SHOC1: variants seen among roughly 807,000 people sequenced by gnomAD.
SHOC1 encodes shortage in chiasmata 1.
In SHOC1, 136 loss-of-function variants were observed where a neutral mutation model predicts 179.2. The observed-to-expected ratio is 0.76, with a 90% CI of 0.66 to 0.87. The LOEUF is 0.87. SHOC1 is among the 40% of genes least tolerant of loss of function. The pLI, the probability that SHOC1 is intolerant of heterozygous loss-of-function variation, is 0.00. For missense variants in SHOC1, 1,538 were observed against 1,700.8 expected (o/e 0.90, Z 1.68); for synonymous variants, 489 against 586.6 (o/e 0.83, Z 2.41).
chr9:111,691,621 AG>A lies in SHOC1; in HGVS notation c.4355del (p.Ala1452ValfsTer5), dbSNP rs1255925736. 1 of 1,613,910 alleles carries A rather than the reference AG, an allele frequency of 6.2e-7. No homozygotes were observed. The highest frequency in any genetic ancestry group is 8.5e-7 in the Non-Finnish European group (1 of 1,179,928). ...GCCTTTTCTGTCCTAAACTTTTTCC[AG>A]CTCTTTGGTAGAAATAAAGGCTGTT... ...EFNSLYFYQR[A>X]GKSLGQKRHH... On this transcript the variant is annotated frameshift_variant, in exon 27 of 28. Coordinates refer to ENST00000682961, the MANE Select transcript of SHOC1 (RefSeq NM_001378211.1). LOFTEE classifies it high-confidence loss of function.
At chr9:111,716,515 T>C (rs1832799108) in intron 16 of SHOC1, among the ~76,000 whole-genome samples, 1 of 150,428 alleles carries the variant, frequency 6.6e-6, no homozygotes, top group Non-Finnish European at 1.5e-5. Context: ...CTCAGCCTCC[T>C]GAGTAGCTGG....
chr9:111,688,158 T>A (rs1831266354), intron 27 of SHOC1, among the ~76,000 whole-genome samples: 1 of 152,162 alleles, frequency 6.6e-6, no homozygotes, highest in Non-Finnish European at 1.5e-5. Context: ...CATCTGCAAA[T>A]TTTTGTGGTA....
intron 11 of SHOC1, among the ~76,000 whole-genome samples, chr9:111,739,013 C>A (rs1450169486): frequency 1.3e-5 from 2 of 152,018 alleles, no homozygotes; most frequent in African/African-American, 4.8e-5. Flanking sequence ...GAAATCATAA[C>A]ATATGGAGGA....
At chr9:111,784,800 GTCT>G (rs1836203034) in intron 3 of SHOC1, among the ~76,000 whole-genome samples, 1 of 152,138 alleles carries the variant, frequency 6.6e-6, no homozygotes, top group African/African-American at 2.4e-5. Context: ...ATGGGTGGCT[GTCT>G]TCTTGCTGGC....
chr9:111,715,412 T>C (rs1832738122), intron 16 of SHOC1, among the ~76,000 whole-genome samples: 1 of 152,246 alleles, frequency 6.6e-6, no homozygotes, highest in Non-Finnish European at 1.5e-5. Context: ...TCTATTTTTA[T>C]ATTAAAATTG....
rs553119846 is a variant in SHOC1, at chr9:111,785,784, G to A, written c.169+128C>T. The stretch of plus-strand genomic sequence containing the variant: ...TAAAATACTAAGTTGTTAACTTCTT[G>A]GAATTCTGACATGAGTAGATGCAAT... On this transcript the variant is annotated intron_variant, in intron 3 of 27. Coordinates refer to ENST00000682961, the MANE Select transcript of SHOC1 (RefSeq NM_001378211.1). 13 of 693,162 alleles carry A rather than the reference G, an allele frequency of 1.9e-5. No homozygotes were observed. In the East Asian group the frequency reaches 2.8e-4, roughly 15 times the overall value. 42.9% of individuals were successfully genotyped at this position (693,162 alleles called of 1,614,324 possible).
chr9:111,790,892 A>G (rs1836421607), intron 2 of SHOC1, among the ~76,000 whole-genome samples: 1 of 152,236 alleles, frequency 6.6e-6, no homozygotes, highest in Non-Finnish European at 1.5e-5. Flanking sequence ...AATTTTCAAT[A>G]AATCTAAAAG....
chr9:111,752,682 A>G (rs1337676500), intron 8 of SHOC1, among the ~76,000 whole-genome samples: 1 of 152,248 alleles, frequency 6.6e-6, no homozygotes, highest in East Asian at 1.9e-4. Flanking sequence ...CATAGTAATC[A>G]CTATGCTAAA....
intron 7 of SHOC1, among the ~76,000 whole-genome samples, chr9:111,756,991 G>A (rs758791572): frequency 5.9e-5 from 9 of 152,114 alleles, no homozygotes; most frequent in Non-Finnish European, 1.2e-4. Context: ...GGGCCTATTG[G>A]TGAATTAACC....
At chr9:111,694,419 T>G in intron 24 of SHOC1, 57 bp from the exon 25 acceptor site, 1 of 1,288,130 alleles carries the variant, frequency 7.8e-7, no homozygotes, top group Non-Finnish European at 1.1e-6. Flanking sequence ...AAATATAATA[T>G]TTTTTAAACA....
At chr9:111,730,391 A>G (rs1721450337) in intron 12 of SHOC1, among the ~76,000 whole-genome samples, 2 of 152,180 alleles carry the variant, frequency 1.3e-5, no homozygotes, top group Non-Finnish European at 2.9e-5. Flanking sequence ...GCCTTATGAA[A>G]TGTATTTCTT....
At chr9:111,709,528 A>G (rs1832434686) in intron 18 of SHOC1, among the ~76,000 whole-genome samples, 5 of 152,324 alleles carry the variant, frequency 3.3e-5, no homozygotes, top group South Asian at 4.1e-4. Context: ...GAAACTGAAG[A>G]TAATTGCCGT....
Position 111,705,277 on chromosome 9 carries a change from G to T in SHOC1, c.2825C>A (p.Thr942Asn). The part of the protein sequence containing the change: ...VFFASEGLLN[T>N]PDILQLLESN... ...TTCTAGCAGCTGAAGTATGTCTGGA[G>T]TATTAAGAAGTCCTTCAGATGCAAA... The change falls in exon 21 of 28, where the codon ACT becomes AAT. Residue 942 changes from threonine to asparagine, a missense_variant. Physicochemically the swap from Thr to Asn is moderately conservative, Grantham distance 65. Transcript: ENST00000682961. 6.3e-7 allele frequency: 1 copy of T among 1,575,730 alleles called. No individual in the cohort carries two copies. The highest frequency in any genetic ancestry group is 1.2e-5 in the South Asian group (1 of 85,010).
chr9:111,693,095 C>T (rs373532003), intron 26 of SHOC1, among the ~76,000 whole-genome samples: 137 of 152,178 alleles, frequency 9.0e-4, no homozygotes, highest in African/African-American at 3.0e-3. Flanking sequence ...CACTTGAGGT[C>T]AGGAGTTTGA....
chr9:111,755,259 A>G (rs996341790), intron 8 of SHOC1, among the ~76,000 whole-genome samples: 11 of 152,282 alleles, frequency 7.2e-5, no homozygotes, highest in African/African-American at 2.6e-4. Flanking sequence ...CTGCATTTTG[A>G]GATCTACTAT....
chr9:111,717,614 C>T (rs1449813841), intron 16 of SHOC1, among the ~76,000 whole-genome samples: 1 of 149,048 alleles, frequency 6.7e-6, no homozygotes, highest in Non-Finnish European at 1.5e-5. Context: ...AAAAAAAAGT[C>T]TAAATAATCT....
intron 5 of SHOC1, 77 bp from the exon 6 acceptor site, chr9:111,758,925 A>C: frequency 1.1e-6 from 1 of 941,578 alleles, no homozygotes; most frequent in Non-Finnish European, 1.6e-6. Flanking sequence ...AGTTAATGTA[A>C]TCAGTCATTA....
chr9:111,756,146 C>G (rs184139167), intron 8 of SHOC1, among the ~76,000 whole-genome samples, 179 bp downstream of exon 8: 1 of 152,116 alleles, frequency 6.6e-6, no homozygotes, highest in East Asian at 1.9e-4. Context: ...ACAACAACAA[C>G]AAGAAAATGA....
chr9:111,755,437 G>A (rs950762513), intron 8 of SHOC1, among the ~76,000 whole-genome samples: 8 of 152,214 alleles, frequency 5.3e-5, no homozygotes, highest in Admixed American at 2.6e-4. Context: ...AATGGATATC[G>A]CAGATCCCCC....
Sources: gnomAD v4.1 joint callset for allele counts (sites outside exome capture counted in the v4.1 genomes callset) on GRCh38, gnomAD v4.1.1 for gene constraint, MANE v1.5 for transcripts, NCBI Gene and HGNC (gene_info 2026-07-23, HGNC 2026-07-21) for gene names.